KHDRBS3: variants seen among roughly 807,000 people sequenced by gnomAD.
The protein encoded by KHDRBS3 is KH RNA binding domain containing, signal transduction associated 3.
Under a neutral mutation model 45.6 loss-of-function variants are expected in KHDRBS3, and 23 were observed. That is an observed-to-expected ratio of 0.50 (90% CI 0.36 to 0.72). The LOEUF (loss-of-function observed/expected upper bound fraction) is 0.72. Ranked by LOEUF, KHDRBS3 falls within the 30% of genes least tolerant of loss-of-function variation. The pLI, the probability that KHDRBS3 is intolerant of heterozygous loss-of-function variation, is 0.00. For missense variants in KHDRBS3, 352 were observed against 424.8 expected (o/e 0.83, Z 1.51); for synonymous variants, 162 against 156.5 (o/e 1.04, Z -0.26).
intron 5 of KHDRBS3, among the ~76,000 whole-genome samples, chr8:135,576,230 C>T (rs1263715328): frequency 6.6e-6 from 1 of 152,180 alleles, no homozygotes; most frequent in Non-Finnish European, 1.5e-5. Context: ...CAAGTTTCTC[C>T]ACTGTCGAAT....
intron 3 of KHDRBS3, among the ~76,000 whole-genome samples, chr8:135,544,336 A>C (rs1336068566): frequency 6.6e-6 from 1 of 152,180 alleles, no homozygotes; most frequent in Non-Finnish European, 1.5e-5. Flanking sequence ...GAAACAAGGA[A>C]GGCAAAGCTT....
chr8:135,605,683 A>G (rs1318701633), intron 6 of KHDRBS3, among the ~76,000 whole-genome samples: 1 of 152,150 alleles, frequency 6.6e-6, no homozygotes. Flanking sequence ...CATATATATG[A>G]GTTTCACATT....
At chr8:135,537,356 A>C (rs1166876434) in intron 2 of KHDRBS3, among the ~76,000 whole-genome samples, 2 of 152,138 alleles carry the variant, frequency 1.3e-5, no homozygotes, top group African/African-American at 4.8e-5. Flanking sequence ...CAGGTTCTTG[A>C]GATTTAGTTG....
intron 7 of KHDRBS3, among the ~76,000 whole-genome samples, chr8:135,623,540 G>T (rs1455221684): frequency 2.0e-5 from 3 of 151,650 alleles, no homozygotes; most frequent in African/African-American, 7.3e-5. Context: ...ATTTTTTTAG[G>T]GTTGTGTCAC....
intron 7 of KHDRBS3, among the ~76,000 whole-genome samples, chr8:135,638,915 C>T (rs568299857): frequency 2.0e-5 from 3 of 150,018 alleles, no homozygotes; most frequent in South Asian, 2.1e-4. Context: ...GAGCCAAGAG[C>T]GCGCCACTGC....
At chr8:135,580,384 C>A (rs1828144427) in intron 5 of KHDRBS3, among the ~76,000 whole-genome samples, 1 of 152,020 alleles carries the variant, frequency 6.6e-6, no homozygotes, top group South Asian at 2.1e-4. Flanking sequence ...TTGATGCTTT[C>A]TTTTTTGGAA....
At position 135,548,848 on chromosome 8, in the gene KHDRBS3, C is replaced by G; in HGVS notation, c.419C>G (p.Ala140Gly). ...GAAGTGTTTGCCCCACCTGCAGAAGCTTATGCCAGGATGGGACATGCTTTG... is the reference window on the plus strand; with the variant it reads ...GAAGTGTTTGCCCCACCTGCAGAAGGTTATGCCAGGATGGGACATGCTTTG... ...LIEVFAPPAE[A>G]YARMGHALEE... is the part of the protein sequence containing the mutation. Residue 140 changes from alanine to glycine, a missense_variant, in exon 4 of 9, where the codon GCT (alanine) becomes GGT (glycine). Transcript: ENST00000355849. 1 of 1,604,024 alleles carries G rather than the reference C, an allele frequency of 6.2e-7. No homozygotes were observed. The highest frequency in any genetic ancestry group is 1.1e-5 in the South Asian group (1 of 89,076).
intron 1 of KHDRBS3, among the ~76,000 whole-genome samples, chr8:135,490,810 A>T (rs1221439451): frequency 6.6e-6 from 1 of 152,188 alleles, no homozygotes. Flanking sequence ...TTGAATGTGG[A>T]GTCAGTGGGC....
intron 4 of KHDRBS3, 120 bp downstream of exon 4, chr8:135,549,020 C>A: frequency 1.7e-6 from 1 of 574,912 alleles, no homozygotes; most frequent in Non-Finnish European, 2.8e-6. Context: ...GCTGTATGGA[C>A]ATCACCTCAA....
intron 4 of KHDRBS3, among the ~76,000 whole-genome samples, chr8:135,653,651 G>A (rs1230005776): frequency 6.6e-6 from 1 of 152,200 alleles, no homozygotes; most frequent in African/African-American, 2.4e-5. Context: ...TAGGCCTTGT[G>A]TTCGATGATT....
intron 1 of KHDRBS3, among the ~76,000 whole-genome samples, chr8:135,476,369 CCT>C (rs1317953193): frequency 6.6e-6 from 1 of 152,098 alleles, no homozygotes; most frequent in African/African-American, 2.4e-5. Flanking sequence ...GTCTTGAACT[CCT>C]GACCTCGTGA....
intron 5 of KHDRBS3, among the ~76,000 whole-genome samples, chr8:135,563,458 C>A (rs571353679): frequency 6.6e-6 from 1 of 152,306 alleles, no homozygotes; most frequent in African/African-American, 2.4e-5. Context: ...TTCCTCTCAG[C>A]CAGAAGCTGG....
At chr8:135,548,030 T>C (rs1322673002) in intron 3 of KHDRBS3, among the ~76,000 whole-genome samples, 1 of 152,218 alleles carries the variant, frequency 6.6e-6, no homozygotes, top group African/African-American at 2.4e-5. Flanking sequence ...TAATAAAGTC[T>C]TTCATTTTGT....
At chr8:135,622,638 G>C (rs1478235285) in intron 7 of KHDRBS3, among the ~76,000 whole-genome samples, 1 of 152,168 alleles carries the variant, frequency 6.6e-6, no homozygotes. Flanking sequence ...TCCTCAAAAA[G>C]ATATGTTAGT....
chr8:135,648,031 A>G (rs1333131027), downstream of KHDRBS3: 5 of 152,204 alleles, frequency 3.3e-5, no homozygotes, highest in African/African-American at 1.2e-4. Context: ...ACTAAGCACA[A>G]AGCTTTTAAA....
At chr8:135,536,993 AAAAAGG>A (rs1213210851) in intron 2 of KHDRBS3, among the ~76,000 whole-genome samples, 2,142 of 16,442 alleles carry the variant, frequency 0.13, 259 homozygotes, top group African/African-American at 0.19. Context: ...AAAAAAAAAA[AAAAAGG>A]AGATGTTTAG....
In KHDRBS3 at chr8:135,517,423, G is replaced by A. The variant is rs547114498; in HGVS notation, c.89-3814G>A. 1.7e-4 allele frequency among the ~76,000 whole-genome samples: 26 copies of A among 152,200 alleles called. No homozygotes were observed. In the South Asian group the frequency reaches 3.7e-3, roughly 22 times the overall value. ...TTCCTCCCTCGGGGAAGATGAGAGC[G>A]GTAGTAGCAGGGGTTTTTGAATATG... On this transcript the variant is annotated intron_variant, in intron 1 of 8. Transcript: ENST00000355849.
intron 3 of KHDRBS3, among the ~76,000 whole-genome samples, chr8:135,543,682 A>G (rs1046808065): frequency 1.1e-4 from 16 of 152,182 alleles, no homozygotes; most frequent in Non-Finnish European, 2.4e-4. Flanking sequence ...ATGATGGGAG[A>G]TAATATTTTC....
chr8:135,484,306 T>C (rs1452608296), intron 1 of KHDRBS3, among the ~76,000 whole-genome samples: 4 of 152,172 alleles, frequency 2.6e-5, no homozygotes, highest in African/African-American at 9.6e-5. Flanking sequence ...TACACTCCCT[T>C]CCTCACCATC....
Sources: gnomAD v4.1 joint callset for allele counts (sites outside exome capture counted in the v4.1 genomes callset) on GRCh38, gnomAD v4.1.1 for gene constraint, MANE v1.5 for transcripts, NCBI Gene and HGNC (gene_info 2026-07-23, HGNC 2026-07-21) for gene names.